Variants in PTPRN2 observed in about 807,000 individuals in gnomAD.
PTPRN2 encodes receptor-type tyrosine-protein phosphatase N2.
PTPRN2 carries 74 observed loss-of-function variants against 118.8 expected under a neutral mutation model. The observed-to-expected ratio is 0.62, with a 90% CI of 0.52 to 0.76. The LOEUF is 0.76. Ranked by LOEUF, PTPRN2 falls within the 30% of genes least tolerant of loss-of-function variation. The pLI, the probability that PTPRN2 is intolerant of heterozygous loss-of-function variation, is 0.00. For missense variants in PTPRN2, 1,481 were observed against 1,394.4 expected (o/e 1.06, Z -0.99); for synonymous variants, 641 against 608.0 (o/e 1.05, Z -0.80).
chr7:157,748,291 T>C (rs1467932762), intron 12 of PTPRN2, among the ~76,000 whole-genome samples: 2 of 134,974 alleles, frequency 1.5e-5, no homozygotes, highest in Non-Finnish European at 3.4e-5. Flanking sequence ...AGCTGTGGGG[T>C]GTCTGGGGGA....
chr7:158,556,780 C>A (rs1425141968), intron 1 of PTPRN2, among the ~76,000 whole-genome samples: 1 of 144,754 alleles, frequency 6.9e-6, no homozygotes, highest in Admixed American at 6.9e-5. Context: ...CCACGCAGGT[C>A]GCTCCCACGC....
In PTPRN2 at chr7:157,801,308, C is replaced by CGGCGGT. The variant is rs1805284694; in HGVS notation, c.1788+97359_1788+97364dup. 6.6e-6 allele frequency among the ~76,000 whole-genome samples: 1 copy of CGGCGGT among 152,152 alleles called. No individual in the cohort carries two copies. Among genetic ancestry groups the CGGCGGT allele is most frequent in the Non-Finnish European group, 1.5e-5 (1 of 68,034 alleles). On this transcript the variant is annotated intron_variant, in intron 12 of 22. Transcript: ENST00000389418. This position sits in a 1 kb window ranked among gnomAD's most constrained non-coding sequence, Gnocchi z 4.2. ...GTCTCTCGACCCCTGTTAGGAGCAA[C>CGGCGGT]GGCGGTGAGGCAGGATGAACGGCCT...
intron 2 of PTPRN2, among the ~76,000 whole-genome samples, chr7:158,403,979 C>CAA (rs1159232319): frequency 6.6e-6 from 1 of 152,198 alleles, no homozygotes; most frequent in Non-Finnish European, 1.5e-5. Flanking sequence ...TACTCATGTC[C>CAA]TTACCAAAGA....
At chr7:157,594,237 G>A (rs1356081266) in intron 17 of PTPRN2, among the ~76,000 whole-genome samples, 5 of 152,232 alleles carry the variant, frequency 3.3e-5, no homozygotes, top group African/African-American at 1.2e-4. Context: ...TCGGAGTCAC[G>A]CGAGGCTGAC....
At chr7:158,190,844 G>A (rs914905635) in intron 5 of PTPRN2, among the ~76,000 whole-genome samples, 13 of 152,260 alleles carry the variant, frequency 8.5e-5, no homozygotes, top group African/African-American at 2.7e-4. Flanking sequence ...GCATTCAAAC[G>A]TCATTGTGAC....
chr7:158,343,044 C>G (rs1388602289), intron 2 of PTPRN2, among the ~76,000 whole-genome samples: 1 of 152,138 alleles, frequency 6.6e-6, no homozygotes, highest in Non-Finnish European at 1.5e-5. Flanking sequence ...AGTGAAACTT[C>G]ATCTCAAAAA....
intron 11 of PTPRN2, among the ~76,000 whole-genome samples, chr7:158,063,006 A>G (rs1188037136): frequency 6.6e-6 from 1 of 152,228 alleles, no homozygotes; most frequent in East Asian, 1.9e-4. Context: ...CTGGTGCAGG[A>G]TCCACTAGGT....
At chr7:157,661,184 G>A (rs1795866921) in intron 13 of PTPRN2, among the ~76,000 whole-genome samples, 1 of 152,286 alleles carries the variant, frequency 6.6e-6, no homozygotes, top group South Asian at 2.1e-4. Context: ...GGGACCCGCG[G>A]CTCTCACCAG....
chr7:157,879,935 ATT>A (rs1477358732), intron 12 of PTPRN2, among the ~76,000 whole-genome samples: 1 of 151,316 alleles, frequency 6.6e-6, no homozygotes, highest in Non-Finnish European at 1.5e-5. Flanking sequence ...ATGAATGCAT[ATT>A]TTTCTCTTTC....
intron 11 of PTPRN2, among the ~76,000 whole-genome samples, chr7:157,966,781 C>A (rs1293272470): frequency 6.6e-6 from 1 of 152,024 alleles, no homozygotes; most frequent in African/African-American, 2.4e-5. Flanking sequence ...TGATCACTAT[C>A]ATCACCATCA....
intron 12 of PTPRN2, among the ~76,000 whole-genome samples, chr7:157,772,867 C>T (rs1457624228): frequency 1.3e-5 from 2 of 152,242 alleles, no homozygotes; most frequent in Admixed American, 6.5e-5. Flanking sequence ...TGCTAGGCCA[C>T]GGGTGGCTGT....
chr7:158,068,798 A>G (rs3800865), intron 11 of PTPRN2, among the ~76,000 whole-genome samples: 9,041 of 152,310 alleles, frequency 0.059, 341 homozygotes, highest in Non-Finnish European at 0.088. Context: ...AAATTGTGTA[A>G]TTACTTTTGC....
At chr7:158,130,940 C>A (rs1339124220) in intron 9 of PTPRN2, among the ~76,000 whole-genome samples, 1 of 150,886 alleles carries the variant, frequency 6.6e-6, no homozygotes, top group Non-Finnish European at 1.5e-5. Flanking sequence ...CATGCATATG[C>A]ACAAACTGAC....
chr7:158,177,493 C>T (rs140709666), intron 5 of PTPRN2, among the ~76,000 whole-genome samples: 330 of 152,258 alleles, frequency 2.2e-3, no homozygotes, highest in Non-Finnish European at 3.5e-3. Flanking sequence ...ACAATGAACA[C>T]GTCCGTCACC....
chr7:158,456,325 C>T lies in PTPRN2; in HGVS notation c.163+33410G>A, dbSNP rs1346027571. ...GCACGGATGCCATCAGCCACAGCCA[C>T]CCATCGCTCTGCAGAGAAGATAACA... On this transcript the variant is annotated intron_variant, in intron 2 of 22. Coordinates refer to ENST00000389418, the MANE Select transcript of PTPRN2 (RefSeq NM_002847.5). 4.0e-5 allele frequency among the ~76,000 whole-genome samples: 6 copies of T among 149,752 alleles called. 1 individual carries two copies. The highest frequency in any genetic ancestry group is 1.5e-4 in the African/African-American group (6 of 40,492).
intron 7 of PTPRN2, among the ~76,000 whole-genome samples, chr7:158,137,140 T>C (rs964485625): frequency 2.6e-5 from 4 of 152,122 alleles, no homozygotes; most frequent in African/African-American, 4.8e-5. Context: ...GTACCCCGGC[T>C]GGGCGCGGTG....
intron 1 of PTPRN2, among the ~76,000 whole-genome samples, chr7:158,520,945 T>C (rs1823941832): frequency 6.6e-6 from 1 of 152,134 alleles, no homozygotes; most frequent in Admixed American, 6.5e-5. Context: ...CTGCAGGCCA[T>C]GAGGGCCTGG....
chr7:158,284,062 G>A (rs975919868), intron 3 of PTPRN2, among the ~76,000 whole-genome samples: 9 of 152,214 alleles, frequency 5.9e-5, no homozygotes, highest in South Asian at 2.1e-4. Context: ...ATTCGATGTC[G>A]TTGGATTTTC....
At chr7:158,457,186 G>C (rs542851049) in intron 2 of PTPRN2, among the ~76,000 whole-genome samples, 1 of 152,162 alleles carries the variant, frequency 6.6e-6, no homozygotes, top group Non-Finnish European at 1.5e-5. Flanking sequence ...AAGAATCCAG[G>C]CTGAGTCTTC....
Sources: allele counts gnomAD v4.1 joint callset (sites outside exome capture counted in the v4.1 genomes callset), GRCh38; gene constraint gnomAD v4.1.1; non-coding constraint Gnocchi (gnomAD v3.1); transcripts MANE v1.5; gene names NCBI Gene and HGNC (gene_info 2026-07-23, HGNC 2026-07-21).